Variants in LINGO2 observed in about 807,000 individuals in gnomAD.
LINGO2 encodes the protein leucine rich repeat and Ig domain containing 2.
In LINGO2, 14 loss-of-function variants were observed where a neutral mutation model predicts 30.6. That is an observed-to-expected ratio of 0.46 (90% confidence interval 0.30 to 0.72). LINGO2 has a LOEUF of 0.72. Among genes scored for constraint, LINGO2 ranks in the 30% least tolerant of loss-of-function variants. The pLI is 0.07. For missense variants in LINGO2, 729 were observed against 751.7 expected (o/e 0.97, Z 0.35); for synonymous variants, 317 against 288.5 (o/e 1.10, Z -1.00).
chr9:27,953,254 T>C (rs1367723900), intron 5 of LINGO2, among the ~76,000 whole-genome samples: 2 of 152,198 alleles, frequency 1.3e-5, no homozygotes, highest in Non-Finnish European at 1.5e-5. Context: ...CTAAGTTCAA[T>C]ATGTTAATTC....
At chr9:28,557,333 A>G (rs199696625) in intron 1 of LINGO2, among the ~76,000 whole-genome samples, 11 of 152,144 alleles carry the variant, frequency 7.2e-5, no homozygotes, top group African/African-American at 1.9e-4. Context: ...AAAAGTGGGC[A>G]AAGGACATGA....
intron 1 of LINGO2, among the ~76,000 whole-genome samples, chr9:28,556,770 A>C (rs1822724754): frequency 6.6e-6 from 1 of 152,008 alleles, no homozygotes; most frequent in Non-Finnish European, 1.5e-5. Context: ...CAGTAACCAA[A>C]ACAGCATGGT....
At chr9:28,851,572 T>A in the LINGO2 span, among the ~76,000 whole-genome samples, 2 of 152,014 alleles carry the variant, frequency 1.3e-5, no homozygotes, top group Non-Finnish European at 2.9e-5. Context: ...GGACATAACA[T>A]CTATGAGGAG....
intron 1 of LINGO2, among the ~76,000 whole-genome samples, chr9:28,606,815 C>A (rs530248714): frequency 1.3e-5 from 2 of 151,912 alleles, no homozygotes; most frequent in Non-Finnish European, 2.9e-5. Context: ...AATCATAAAA[C>A]GAGTTAGTGG....
intron 1 of LINGO2, among the ~76,000 whole-genome samples, chr9:28,612,822 C>T (rs188648384): frequency 1.2e-3 from 178 of 152,110 alleles, no homozygotes; most frequent in Admixed American, 6.4e-3. Flanking sequence ...GTGAAAGGGA[C>T]ATAAGATTTT....
chr9:28,294,096 A>G (rs939136675), intron 4 of LINGO2, among the ~76,000 whole-genome samples: 11 of 152,332 alleles, frequency 7.2e-5, no homozygotes, highest in Admixed American at 5.9e-4. Context: ...TTTGGGTTTT[A>G]TACTCTCATG....
the LINGO2 span, among the ~76,000 whole-genome samples, chr9:29,056,714 G>A: frequency 6.6e-6 from 1 of 152,044 alleles, no homozygotes; most frequent in Non-Finnish European, 1.5e-5. Flanking sequence ...GATTTTTATG[G>A]TTTCAGGTCT....
At chr9:28,357,042 T>C (rs1401989031) in intron 3 of LINGO2, among the ~76,000 whole-genome samples, 2 of 152,156 alleles carry the variant, frequency 1.3e-5, no homozygotes, top group Admixed American at 1.3e-4. Flanking sequence ...TAAATGAATG[T>C]GGCAATAATG....
intron 5 of LINGO2, among the ~76,000 whole-genome samples, chr9:27,999,490 C>T (rs192029997): frequency 6.7e-6 from 1 of 148,618 alleles, no homozygotes; most frequent in Admixed American, 6.6e-5. Context: ...GATGCACGTG[C>T]ATTTGCATGT....
chr9:28,537,494 T>C (rs1821486722), intron 1 of LINGO2, among the ~76,000 whole-genome samples: 1 of 151,960 alleles, frequency 6.6e-6, no homozygotes, highest in Admixed American at 6.6e-5. Flanking sequence ...TAAACAAGGT[T>C]GCTAAAAACA....
chr9:28,897,195 A>C, the LINGO2 span, among the ~76,000 whole-genome samples: 18 of 152,298 alleles, frequency 1.2e-4, no homozygotes, highest in African/African-American at 4.3e-4. Flanking sequence ...TCAGCGTCCA[A>C]TGAAACTCAT....
the LINGO2 span, among the ~76,000 whole-genome samples, chr9:29,019,308 C>A: frequency 6.6e-6 from 1 of 152,192 alleles, no homozygotes; most frequent in African/African-American, 2.4e-5. Flanking sequence ...TATACTAGTT[C>A]TTCAGGGCAT....
At chr9:28,736,418 A>C in the LINGO2 span, among the ~76,000 whole-genome samples, 2 of 152,178 alleles carry the variant, frequency 1.3e-5, no homozygotes, top group African/African-American at 4.8e-5. Flanking sequence ...ACGCAGTCTA[A>C]ACACCTTCTA....
At chr9:27,992,488 T>C (rs1007151647) in intron 5 of LINGO2, among the ~76,000 whole-genome samples, 1 of 152,018 alleles carries the variant, frequency 6.6e-6, no homozygotes, top group African/African-American at 2.4e-5. Flanking sequence ...AATATTATCA[T>C]AGGTAAGGAA....
At chr9:28,829,669 C>T in the LINGO2 span, among the ~76,000 whole-genome samples, 2 of 152,262 alleles carry the variant, frequency 1.3e-5, no homozygotes, top group East Asian at 3.9e-4. Flanking sequence ...GGGCAGATTA[C>T]CTGAGGTCAG....
At chr9:28,356,979 G>A (rs79844742) in intron 3 of LINGO2, among the ~76,000 whole-genome samples, 27,361 of 151,860 alleles carry the variant, frequency 0.18, 2,786 homozygotes, top group Middle Eastern at 0.39. Context: ...AAGTAAAAAT[G>A]TTTATTAATT....
At chr9:28,868,137 G>A in the LINGO2 span, among the ~76,000 whole-genome samples, 3 of 152,048 alleles carry the variant, frequency 2.0e-5, no homozygotes, top group Admixed American at 6.6e-5. Flanking sequence ...CCTAGTGTGT[G>A]TCGTTAACTT....
intron 1 of LINGO2, among the ~76,000 whole-genome samples, chr9:28,512,593 GTATATA>G (rs770866133): frequency 9.4e-5 from 1 of 10,592 alleles, no homozygotes; most frequent in South Asian, 5.4e-3. Context: ...ATATATGTGT[GTATATA>G]TATATATATA....
chr9:28,781,256 C>T, the LINGO2 span, among the ~76,000 whole-genome samples: 1 of 152,096 alleles, frequency 6.6e-6, no homozygotes, highest in Non-Finnish European at 1.5e-5. Flanking sequence ...TGCTCAAATA[C>T]AGGCAGTGCA....
Sources: gnomAD v4.1 joint callset for allele counts (sites outside exome capture counted in the v4.1 genomes callset) on GRCh38, gnomAD v4.1.1 for gene constraint, MANE v1.5 for transcripts, NCBI Gene and HGNC (gene_info 2026-07-23, HGNC 2026-07-21) for gene names.